PEX7: variants seen among roughly 807,000 people sequenced by gnomAD.
PEX7 encodes PTS2 receptor.
PEX7 carries 34 observed loss-of-function variants against 47.5 expected under a neutral mutation model. The ratio of observed to expected loss-of-function variants is 0.72; its 90% CI spans 0.54 to 0.95. The LOEUF is 0.95. PEX7 is among the 40% of genes least tolerant of loss of function. PEX7 has a pLI of 0.00. For synonymous variants in PEX7, 141 were observed against 148.8 expected (o/e 0.95, Z 0.38); for missense variants, 394 against 400.3 (o/e 0.98, Z 0.13).
rs768423703 is a variant in PEX7, at chr6:136,826,489, G to A, written c.339+20G>A. ...CAGGAGGTAGGAGGGAAATCTTTCT[G>A]GGCTGATTATTTTTCTTTCTTCGAC... On this transcript the variant is annotated intron_variant, in intron 3 of 9. Coordinates refer to ENST00000318471, the MANE Select transcript of PEX7 (RefSeq NM_000288.4). 1.2e-6 allele frequency: 2 copies of A among 1,613,674 alleles called. No individual in the cohort carries two copies. The highest frequency in any genetic ancestry group is 1.7e-6 in the Non-Finnish European group (2 of 1,179,942).
At chr6:136,866,096 A>C (rs117668381) in intron 5 of PEX7, among the ~76,000 whole-genome samples, 3,156 of 152,172 alleles carry the variant, frequency 0.021, 34 homozygotes, top group Non-Finnish European at 0.033. Flanking sequence ...TAAATAAATA[A>C]ATACATAAAA....
chr6:136,865,503 T>A (rs1181028787), intron 5 of PEX7, among the ~76,000 whole-genome samples: 1 of 151,416 alleles, frequency 6.6e-6, no homozygotes, highest in Non-Finnish European at 1.5e-5. Context: ...TTCATCATGT[T>A]GGCCAGGCTG....
intron 5 of PEX7, among the ~76,000 whole-genome samples, chr6:136,853,121 A>G (rs71560616): frequency 0.097 from 14,836 of 152,180 alleles, 829 homozygotes; most frequent in Admixed American, 0.14. Flanking sequence ...TAGAAAACTG[A>G]TGGTTTTTAT....
intron 3 of PEX7, among the ~76,000 whole-genome samples, chr6:136,831,437 G>T (rs565739376): frequency 6.6e-6 from 1 of 152,122 alleles, no homozygotes; most frequent in Non-Finnish European, 1.5e-5. Flanking sequence ...TTTGGGTGGG[G>T]ATATAAAGCC....
At chr6:136,894,543 TCGCGC>T (rs1179566741) in intron 8 of PEX7, among the ~76,000 whole-genome samples, 50 of 152,220 alleles carry the variant, frequency 3.3e-4, no homozygotes, top group African/African-American at 1.2e-3. Context: ...TGAGCCGAGA[TCGCGC>T]CACTGCACTC....
intron 9 of PEX7, among the ~76,000 whole-genome samples, chr6:136,911,083 A>C (rs891572957): frequency 2.6e-5 from 4 of 152,148 alleles, no homozygotes; most frequent in Non-Finnish European, 5.9e-5. Context: ...ACATCATCCC[A>C]GTTATTGGAA....
chr6:136,823,143 CG>C, intron 1 of PEX7: 1 of 985,410 alleles, frequency 1.0e-6, no homozygotes, highest in Non-Finnish European at 1.2e-6. Flanking sequence ...TCCCTTGGAT[CG>C]GTCCGCTCGG....
intron 3 of PEX7, among the ~76,000 whole-genome samples, chr6:136,830,413 A>G (rs1303862976): frequency 1.3e-5 from 2 of 152,214 alleles, no homozygotes; most frequent in Non-Finnish European, 2.9e-5. Flanking sequence ...AGATTTAGAT[A>G]TATTTTAGGC....
At chr6:136,872,450 T>G (rs556256565) in intron 8 of PEX7, among the ~76,000 whole-genome samples, 197 bp downstream of exon 8, 2 of 152,294 alleles carry the variant, frequency 1.3e-5, no homozygotes, top group African/African-American at 4.8e-5. Context: ...AAATTTTTTC[T>G]CTTCAAATAT....
chr6:136,841,446 G>C (rs1774495383), intron 3 of PEX7, among the ~76,000 whole-genome samples: 1 of 152,130 alleles, frequency 6.6e-6, no homozygotes, highest in Non-Finnish European at 1.5e-5. Context: ...GAAGTTTTCT[G>C]GTTACTGTTT....
chr6:136,846,226 G>T (rs762312772), intron 5 of PEX7, 45 bp downstream of exon 5: 2 of 1,239,432 alleles, frequency 1.6e-6, no homozygotes, highest in Non-Finnish European at 2.4e-6. Flanking sequence ...GTAGTGAATG[G>T]TGGCCTTGTT....
At chr6:136,832,615 A>G (rs1774314376) in intron 3 of PEX7, among the ~76,000 whole-genome samples, 1 of 152,216 alleles carries the variant, frequency 6.6e-6, no homozygotes. Flanking sequence ...TAAGTTCCAA[A>G]TTCAAATAAT....
chr6:136,828,780 C>G (rs986547281), intron 3 of PEX7, among the ~76,000 whole-genome samples: 73 of 152,126 alleles, frequency 4.8e-4, no homozygotes, highest in African/African-American at 1.5e-3. Context: ...ATAATATTAC[C>G]TAAAGTGGCT....
In PEX7 at chr6:136,864,679, A is replaced by G. The variant is rs915333793; in HGVS notation, c.527-1948A>G. Among the ~76,000 whole-genome samples the G allele has an allele frequency of 2.0e-5, 3 of 152,352 alleles. No individual in the cohort carries two copies. In the East Asian group the frequency reaches 5.8e-4, roughly 29 times the overall value. On this transcript the variant is annotated intron_variant, in intron 5 of 9. Transcript: ENST00000318471. ...TGGGAATATAGGAAAATATATGTAG[A>G]TAAGTGAAAGATACTTTAAAAATTT...
intron 8 of PEX7, among the ~76,000 whole-genome samples, chr6:136,877,183 G>A (rs1384902075): frequency 1.3e-5 from 2 of 150,844 alleles, no homozygotes; most frequent in Non-Finnish European, 3.0e-5. Context: ...TTTTGATGGG[G>A]TTGTTTTTTT....
chr6:136,888,728 A>G (rs1026588423), intron 8 of PEX7, among the ~76,000 whole-genome samples: 1 of 152,156 alleles, frequency 6.6e-6, no homozygotes, highest in Non-Finnish European at 1.5e-5. Context: ...ATATAAGTGA[A>G]TTTGAATTAA....
At chr6:136,854,309 G>T (rs956015540) in intron 5 of PEX7, among the ~76,000 whole-genome samples, 4 of 152,036 alleles carry the variant, frequency 2.6e-5, no homozygotes, top group Non-Finnish European at 5.9e-5. Flanking sequence ...CAATTCTCCT[G>T]CCTCAGCCTT....
intron 8 of PEX7, among the ~76,000 whole-genome samples, chr6:136,889,007 TA>T (rs1464048753): frequency 4.6e-5 from 7 of 152,184 alleles, no homozygotes; most frequent in African/African-American, 1.2e-4. Flanking sequence ...TAAACATTTT[TA>T]TTTTTTTCTA....
chr6:136,888,147 T>C (rs1283782134), intron 8 of PEX7, among the ~76,000 whole-genome samples: 1 of 152,066 alleles, frequency 6.6e-6, no homozygotes, highest in Non-Finnish European at 1.5e-5. Flanking sequence ...CTCACAAACC[T>C]TTCATTTCAA....
Sources: allele counts gnomAD v4.1 joint callset (sites outside exome capture counted in the v4.1 genomes callset), GRCh38; gene constraint gnomAD v4.1.1; transcripts MANE v1.5; gene names NCBI Gene and HGNC (gene_info 2026-07-23, HGNC 2026-07-21).